Variants in TCERG1 observed in about 807,000 individuals in gnomAD.
TCERG1 encodes the protein TATA box binding protein (TBP)-associated factor, RNA polymerase II, S, 150kD.
In TCERG1, 37 loss-of-function variants were observed where a neutral mutation model predicts 144.7. The observed-to-expected ratio is 0.26, with a 90% CI of 0.20 to 0.34. TCERG1 has a LOEUF of 0.34. Ranked by LOEUF, TCERG1 falls within the 10% of genes least tolerant of loss-of-function variation. TCERG1 has a pLI of 1.00. For synonymous variants in TCERG1, 492 were observed against 458.2 expected (o/e 1.07, Z -0.94); for missense variants, 1,027 against 1,380.7 (o/e 0.74, Z 4.06).
At chr5:146,469,442 C>T in intron 6 of TCERG1, 102 bp from the exon 7 acceptor site, 1 of 950,894 alleles carries the variant, frequency 1.1e-6, no homozygotes, top group Non-Finnish European at 1.5e-6. Context: ...CTGGTCCATT[C>T]ATTTATTAAT....
At chr5:146,451,021 A>G (rs180688249) in intron 1 of TCERG1, among the ~76,000 whole-genome samples, 1 of 152,350 alleles carries the variant, frequency 6.6e-6, no homozygotes, top group Admixed American at 6.5e-5. Context: ...GAGTCCTAAC[A>G]GGGCTTTTTT....
At chr5:146,480,628 G>A (rs1351094003) in intron 12 of TCERG1, 2 of 152,450 alleles carry the variant, frequency 1.3e-5, no homozygotes, top group Non-Finnish European at 2.9e-5. Flanking sequence ...GTTATGGCGG[G>A]GGGAAGGATG....
intron 12 of TCERG1, among the ~76,000 whole-genome samples, chr5:146,480,859 A>T (rs1469927946): frequency 6.6e-6 from 1 of 152,046 alleles, no homozygotes; most frequent in East Asian, 1.9e-4. Context: ...GATATGAAAG[A>T]ATCACTCATA....
At chr5:146,450,205 A>G (rs991009351) in intron 1 of TCERG1, among the ~76,000 whole-genome samples, 4 of 152,246 alleles carry the variant, frequency 2.6e-5, no homozygotes, top group Admixed American at 2.0e-4. Flanking sequence ...TCGAAAACTC[A>G]AATTAGGAAT....
Position 146,510,747 on chromosome 5 carries a change from GACAA to G in TCERG1, c.*109_*112del, listed in dbSNP as rs369760297. 25 of 1,074,314 alleles carry G rather than the reference GACAA, an allele frequency of 2.3e-5. No individual in the cohort carries two copies. In the African/African-American group the frequency reaches 2.4e-4, roughly 10 times the overall value. 66.5% of individuals were successfully genotyped at this position (1,074,314 alleles called of 1,614,324 possible). On this transcript the variant is annotated 3_prime_UTR_variant, in exon 23 of 23. Coordinates refer to ENST00000679501, the MANE Select transcript of TCERG1 (RefSeq NM_001382548.1). ...TAGTCAACCTATTGCGAAACCATCTGACAAACAGAAGGAGAAGCATTTGTGAACA... is the reference window on the plus strand; with the variant it reads ...TAGTCAACCTATTGCGAAACCATCTGACAGAAGGAGAAGCATTTGTGAACA...
chr5:146,503,358 C>T lies in TCERG1; in HGVS notation c.2434-17C>T. The T allele has an allele frequency of 6.2e-7, 1 of 1,606,994 alleles. No individual in the cohort carries two copies. Among genetic ancestry groups the T allele is most frequent in the Non-Finnish European group, 8.5e-7 (1 of 1,175,402 alleles). The stretch of plus-strand genomic sequence containing the variant: ...CATTATTTTCCCTCCCATCCCACTA[C>T]CTGTTTTAAAATACAGATTAAATCG... On this transcript the variant is annotated splice_polypyrimidine_tract_variant and intron_variant, in intron 17 of 22. Coordinates refer to ENST00000679501, the MANE Select transcript of TCERG1 (RefSeq NM_001382548.1).
intron 3 of TCERG1, among the ~76,000 whole-genome samples, chr5:146,458,512 A>G (rs9763427): frequency 0.27 from 40,615 of 151,310 alleles, 6,619 homozygotes; most frequent in East Asian, 0.84. Flanking sequence ...TCCCTCTGTC[A>G]CCCAGGCTGG....
Position 146,475,570 on chromosome 5 carries a change from TGATTAAATCATTAACCC to T in TCERG1, c.1602-2905_1602-2889del, listed in dbSNP as rs539803851. On this transcript the variant is annotated intron_variant, in intron 9 of 22. Transcript: ENST00000679501. ...AAGATTGAAAAACTCTGGCCAAGAT[TGATTAAATCATTAACCC>T]GATTAAATCATTAACCCATTTATGC... 5.2e-3 allele frequency among the ~76,000 whole-genome samples: 798 copies of T among 152,300 alleles called. 5 individuals are homozygous for T. Among genetic ancestry groups the T allele is most frequent in the Middle Eastern group, 0.034 (10 of 294 alleles).
chr5:146,480,090 C>T lies in TCERG1; in HGVS notation c.1882C>T (p.Arg628Trp), dbSNP rs777910501. ...AGATGAGCCTGTTAAAGCAAAAAAA[C>T]GGAAGTAAGTAATACATACGATTTG... The part of the protein sequence containing the change: ...NEDEPVKAKK[R>W]KRMSKKSFMW... Residue 628 changes from arginine (R) to tryptophan (W), a missense_variant, in exon 12 of 23, where the codon CGG (arginine) becomes TGG (tryptophan). Around this residue, in one of 6 missense-constraint regions of TCERG1, gnomAD observed 482 missense variants for 632.6 expected, o/e 0.76. Transcript: ENST00000679501. The T allele has an allele frequency of 3.8e-6, 6 of 1,592,380 alleles. No homozygotes were observed. The highest frequency in any genetic ancestry group is 5.1e-6 in the Non-Finnish European group (6 of 1,169,682).
chr5:146,457,393 A>C (rs1306881493), intron 3 of TCERG1, 58 bp downstream of exon 3: 1 of 1,479,298 alleles, frequency 6.8e-7, no homozygotes, highest in Non-Finnish European at 9.1e-7. Flanking sequence ...AAACTTAAAG[A>C]GTTCTGGCAG....
chr5:146,457,089 T>C, intron 2 of TCERG1, 94 bp from the exon 3 acceptor site: 1 of 1,486,160 alleles, frequency 6.7e-7, no homozygotes, highest in Non-Finnish European at 9.1e-7. Flanking sequence ...ATAAAACTAG[T>C]TTCTCTTACA....
In TCERG1 at chr5:146,506,898, A is replaced by G. The variant is rs958780218; in HGVS notation, c.2782-130A>G. Reference sequence around the variant, plus strand: ...TTTATTACATTTTCTTTATCCATGTATCTGTTGATAGACACTTAGGTTGAT... The same window carrying G: ...TTTATTACATTTTCTTTATCCATGTGTCTGTTGATAGACACTTAGGTTGAT... On this transcript the variant is annotated intron_variant, in intron 19 of 22. Coordinates refer to ENST00000679501, the MANE Select transcript of TCERG1 (RefSeq NM_001382548.1). 4 of 645,870 alleles carry G rather than the reference A, an allele frequency of 6.2e-6. No homozygotes were observed. In the Admixed American group the frequency reaches 1.2e-4, roughly 20 times the overall value. 40.0% of individuals were successfully genotyped at this position (645,870 alleles called of 1,614,324 possible). A position where few individuals can be genotyped will look rare whatever the true frequency, so the allele number is the denominator to read the frequency against.
chr5:146,452,734 C>T (rs1235755370), intron 1 of TCERG1, among the ~76,000 whole-genome samples: 9 of 152,170 alleles, frequency 5.9e-5, no homozygotes, highest in East Asian at 1.9e-4. Context: ...AGATTACAGG[C>T]GTGCACCACC....
chr5:146,492,837 G>T, intron 15 of TCERG1, 83 bp from the exon 16 acceptor site: 1 of 958,946 alleles, frequency 1.0e-6, no homozygotes, highest in Non-Finnish European at 1.6e-6. Flanking sequence ...GTATAGTTTG[G>T]ACAAAGACAT....
At position 146,507,789 on chromosome 5, in the gene TCERG1, A is replaced by C; in HGVS notation, c.2962-84A>C. The C allele has an allele frequency of 1.2e-6, 1 of 841,496 alleles. No individual in the cohort carries two copies. Among genetic ancestry groups the C allele is most frequent in the African/African-American group, 1.7e-5 (1 of 57,812 alleles). The allele number at this position is 841,496 out of a possible 1,614,324, so 52.1% of individuals were successfully genotyped here. On this transcript the variant is annotated intron_variant, in intron 20 of 22. Coordinates refer to ENST00000679501, the MANE Select transcript of TCERG1 (RefSeq NM_001382548.1). The surrounding 1 kb of genome is among the most constrained non-coding windows in gnomAD (Gnocchi z 4.6). ...TACAAGAGATCGCAGGTCAGTGTGTAATATTATGTACCTATGTGCTGCAGT... is the reference window on the plus strand; with the variant it reads ...TACAAGAGATCGCAGGTCAGTGTGTCATATTATGTACCTATGTGCTGCAGT...
chr5:146,505,044 CAAAAAG>C (rs1055457197), intron 19 of TCERG1, among the ~76,000 whole-genome samples: 1 of 111,108 alleles, frequency 9.0e-6, no homozygotes, highest in African/African-American at 3.5e-5. Flanking sequence ...GACTCTGTCT[CAAAAAG>C]AAAAATGTAC....
In TCERG1 at chr5:146,459,098, A is replaced by AGGCCCAGGCCCG; in HGVS notation, c.664_665insGGGCCCAGGCCC (p.Ala221_Gln222insArgAlaGlnAla). The AGGCCCAGGCCCG allele has an allele frequency of 6.3e-7, 1 of 1,594,858 alleles. No homozygotes were observed. Among genetic ancestry groups the AGGCCCAGGCCCG allele is most frequent in the Non-Finnish European group, 8.6e-7 (1 of 1,165,332 alleles). On this transcript the variant is annotated inframe_insertion, in exon 4 of 23. Transcript: ENST00000679501. Reference sequence around the variant, plus strand: ...CAGGCCCAGGCCCAGGCCCAGGCCCAGGCCCAGGCCCAAGCCCAAGCCCAG... The same window carrying AGGCCCAGGCCCG: ...CAGGCCCAGGCCCAGGCCCAGGCCCAGGCCCAGGCCCGGGCCCAGGCCCAAGCCCAAGCCCAG...
chr5:146,457,612 AG>A (rs1394512054), intron 3 of TCERG1, among the ~76,000 whole-genome samples: 1 of 152,218 alleles, frequency 6.6e-6, no homozygotes, highest in Non-Finnish European at 1.5e-5. Context: ...GGCTCCTAGA[AG>A]GAAAGCAGGT....
At chr5:146,451,641 A>G (rs1361091830) in intron 1 of TCERG1, among the ~76,000 whole-genome samples, 1 of 150,924 alleles carries the variant, frequency 6.6e-6, no homozygotes, top group Non-Finnish European at 1.5e-5. Flanking sequence ...ATTCCTTTTT[A>G]ACTCATATTT....
Sources: gnomAD v4.1 joint callset for allele counts (sites outside exome capture counted in the v4.1 genomes callset) on GRCh38, gnomAD v4.1.1 for gene constraint, gnomAD v4.1.1 regional missense constraint, Gnocchi (gnomAD v3.1) non-coding constraint, MANE v1.5 for transcripts, NCBI Gene and HGNC (gene_info 2026-07-23, HGNC 2026-07-21) for gene names.